Variants in PIGB observed in about 807,000 individuals in gnomAD.
The protein encoded by PIGB is GPI alpha-1,2-mannosyltransferase 3.
PIGB carries 58 observed loss-of-function variants against 68.4 expected under a neutral mutation model. The ratio of observed to expected loss-of-function variants is 0.85; its 90% CI spans 0.69 to 1.06. PIGB has a LOEUF of 1.06. Ranked by LOEUF, PIGB falls within the 50% of genes least tolerant of loss-of-function variation. The pLI is 0.00. For missense variants in PIGB, 634 were observed against 655.8 expected (o/e 0.97, Z 0.36); for synonymous variants, 219 against 220.5 (o/e 0.99, Z 0.06).
At chr15:55,322,761 A>C (rs958669444) in intron 3 of PIGB, among the ~76,000 whole-genome samples, 10 of 152,202 alleles carry the variant, frequency 6.6e-5, no homozygotes, top group African/African-American at 2.4e-4. Flanking sequence ...GAGAATTCAG[A>C]GCAGTAGCAG....
At chr15:55,336,368 A>C (rs1206198043) in intron 6 of PIGB, among the ~76,000 whole-genome samples, 1 of 152,148 alleles carries the variant, frequency 6.6e-6, no homozygotes, top group East Asian at 1.9e-4. Context: ...CAGCCTGGGA[A>C]ACAGAGTGAT....
At chr15:55,325,498 C>G (rs1214226888) in intron 3 of PIGB, among the ~76,000 whole-genome samples, 1 of 152,050 alleles carries the variant, frequency 6.6e-6, no homozygotes, top group Non-Finnish European at 1.5e-5. Flanking sequence ...ATAGCATTAG[C>G]CTTTCTAACT....
chr15:55,349,937 T>C (rs1430655990), intron 9 of PIGB: 1 of 152,218 alleles, frequency 6.6e-6, no homozygotes, highest in East Asian at 1.9e-4. Flanking sequence ...TAGTGGCTGT[T>C]GCTGAAGAAA....
intron 10 of PIGB, among the ~76,000 whole-genome samples, chr15:55,352,463 AG>A (rs2055946180): frequency 1.3e-5 from 2 of 152,170 alleles, no homozygotes; most frequent in African/African-American, 2.4e-5. Flanking sequence ...GTAATGGTAT[AG>A]GGGCAAAGGA....
rs530282709 is a variant in PIGB, at chr15:55,334,814, G to A, written c.794+807G>A. Among the ~76,000 whole-genome samples the A allele has an allele frequency of 2.0e-5, 3 of 152,310 alleles. No individual in the cohort carries two copies. The South Asian group carries it at 6.2e-4, about 32-fold the overall frequency. ...ACTTCACTGCAGCCTCCGCCTCCCA[G>A]GTTCAAGTGATTCTCCTGCCTCAGC... On this transcript the variant is annotated intron_variant, in intron 6 of 11. Coordinates refer to ENST00000164305, the MANE Select transcript of PIGB (RefSeq NM_004855.5).
chr15:55,328,076 A>G (rs1409300702), intron 4 of PIGB, among the ~76,000 whole-genome samples: 1 of 152,190 alleles, frequency 6.6e-6, no homozygotes, highest in Admixed American at 6.5e-5. Flanking sequence ...TCACTTCTGA[A>G]TGGGATGTTG....
chr15:55,354,571 G>A (rs1346449400), intron 10 of PIGB: 1 of 454,000 alleles, frequency 2.2e-6, no homozygotes, highest in African/African-American at 2.1e-5. Flanking sequence ...CTATGCACTA[G>A]TTTGGGCTTA....
Position 55,350,751 on chromosome 15 carries a change from G to A in PIGB, c.1176G>A (p.Leu392=), listed in dbSNP as rs2141218498. ...KTWKKPALSF[L]FLSNLFLALY... ...GGAAGAAACCAGCTCTAAGTTTCCT[G>A]TTTTTATCAAATTTGTTCCTCGCCC... is the stretch of plus-strand genomic sequence containing the variant. Residue 392 remains leucine, a synonymous_variant, in exon 10 of 12, where the codon CTG becomes CTA. Coordinates refer to ENST00000164305, the MANE Select transcript of PIGB (RefSeq NM_004855.5). The A allele has an allele frequency of 6.2e-7, 1 of 1,613,624 alleles. No individual in the cohort carries two copies. The highest frequency in any genetic ancestry group is 1.7e-5 in the Admixed American group (1 of 59,994).
Position 55,340,792 on chromosome 15 carries a change from G to A in PIGB, c.1027G>A (p.Val343Met), listed in dbSNP as rs745391085. The change falls in exon 8 of 12, where the codon GTG (valine) becomes ATG (methionine). Residue 343 changes from valine to methionine, a missense_variant. Val to Met is a conservative substitution (Grantham distance 21). Transcript: ENST00000164305. The part of the protein sequence containing the change: ...LAPKRYRILL[V>M]TVLWTLLVYS... ...ACCAAAGAGATACCGGATACTTTTG[G>A]TGACTGTGCTGTGGACACTGCTTGT... 3 of 1,609,520 alleles carry A rather than the reference G, an allele frequency of 1.9e-6. No homozygotes were observed. The highest frequency in any genetic ancestry group is 1.7e-6 in the Non-Finnish European group (2 of 1,177,554).
chr15:55,346,768 G>C (rs1255705001), intron 9 of PIGB: 6 of 152,160 alleles, frequency 3.9e-5, no homozygotes, highest in Admixed American at 3.9e-4. Context: ...CCATTAAGTA[G>C]ACTTACTGGA....
chr15:55,348,239 C>A (rs117127695), intron 9 of PIGB: 4,357 of 152,416 alleles, frequency 0.029, 64 homozygotes, highest in Non-Finnish European at 0.035. Context: ...CCCGCCTTGG[C>A]CTCCCAAAGT....
At position 55,343,246 on chromosome 15, in the gene PIGB, C is replaced by CA. The variant is rs145876308; in HGVS notation, c.1123+1445dup. 9.3e-3 allele frequency: 1,411 copies of CA among 152,274 alleles called. 17 individuals are homozygous for CA. Among genetic ancestry groups the CA allele is most frequent in the African/African-American group, 0.032 (1,332 of 41,544 alleles). 9.4% of individuals were successfully genotyped at this position (152,274 alleles called of 1,614,324 possible). A position where few individuals can be genotyped will look rare whatever the true frequency, so the allele number is the denominator to read the frequency against. On this transcript the variant is annotated intron_variant, in intron 9 of 11. Transcript: ENST00000164305. ...GTGTAACCACATACAAACGCAGGCA[C>CA]ATACAAAAATTTAGACATCTAACAG... is the stretch of plus-strand genomic sequence containing the variant.
At chr15:55,336,288 A>G (rs1248033336) in intron 6 of PIGB, among the ~76,000 whole-genome samples, 4 of 151,878 alleles carry the variant, frequency 2.6e-5, no homozygotes, top group Non-Finnish European at 5.9e-5. Flanking sequence ...ACTTGGGAGG[A>G]TGAGGCAGGA....
intron 3 of PIGB, among the ~76,000 whole-genome samples, chr15:55,321,954 C>G (rs960372434): frequency 4.0e-5 from 6 of 148,728 alleles, no homozygotes; most frequent in African/African-American, 1.5e-4. Context: ...GCGGGCGGAT[C>G]ACCTGAGGTT....
chr15:55,342,348 C>A (rs573963919), intron 9 of PIGB, among the ~76,000 whole-genome samples: 4 of 152,154 alleles, frequency 2.6e-5, no homozygotes, highest in Non-Finnish European at 4.4e-5. Flanking sequence ...CTTTTACACA[C>A]AAAACATTTA....
At position 55,319,263 on chromosome 15, in the gene PIGB, C is replaced by A. The variant is rs367745624; in HGVS notation, c.13C>A (p.Leu5Ile). The A allele has an allele frequency of 1.7e-5, 27 of 1,606,938 alleles. No homozygotes were observed. Among genetic ancestry groups the A allele is most frequent in the Non-Finnish European group, 1.5e-5 (18 of 1,177,368 alleles). ...GTGGCGGCCAGGGATGAGGAGGCCC[C>A]TAAGCAAGTGCGGAATGGAGCCGGG... MRRP[L>I]SKCGMEPGGG... Residue 5 changes from leucine to isoleucine, a missense_variant, in exon 1 of 12, where the codon CTA becomes ATA. Physicochemically the swap from Leu to Ile is conservative, Grantham distance 5. Coordinates refer to ENST00000164305, the MANE Select transcript of PIGB (RefSeq NM_004855.5).
intron 1 of PIGB, 83 bp downstream of exon 1, chr15:55,319,496 T>C: frequency 9.5e-7 from 1 of 1,050,996 alleles, no homozygotes; most frequent in Non-Finnish European, 1.4e-6. Context: ...CAGTTGCCCG[T>C]TGAGCTCTGT....
intron 9 of PIGB, among the ~76,000 whole-genome samples, chr15:55,347,778 C>A (rs1277149407): frequency 6.6e-6 from 1 of 152,124 alleles, no homozygotes; most frequent in African/African-American, 2.4e-5. Flanking sequence ...ATGAGCTAAG[C>A]TCAGAGAGTT....
chr15:55,341,877 T>C (rs763607798), intron 9 of PIGB, 75 bp downstream of exon 9: 1 of 568,484 alleles, frequency 1.8e-6, no homozygotes, highest in Non-Finnish European at 2.9e-6. Context: ...CATTAAACTA[T>C]GTCTATTTTC....
Sources: gnomAD v4.1 joint callset for allele counts (sites outside exome capture counted in the v4.1 genomes callset) on GRCh38, gnomAD v4.1.1 for gene constraint, MANE v1.5 for transcripts, NCBI Gene and HGNC (gene_info 2026-07-23, HGNC 2026-07-21) for gene names.